The following EML4 variants were observed in gnomAD, a reference collection of about 807,000 sequenced individuals.
The protein encoded by EML4 is EMAP like 4.
In EML4, 72 loss-of-function variants were observed where a neutral mutation model predicts 129.0. The ratio of observed to expected loss-of-function variants is 0.56; its 90% confidence interval spans 0.46 to 0.68. EML4 has a LOEUF of 0.68. Ranked by LOEUF, EML4 falls within the 30% of genes least tolerant of loss-of-function variation. The pLI is 0.00. For synonymous variants in EML4, 532 were observed against 405.0 expected (o/e 1.31, Z -3.77); for missense variants, 1,363 against 1,190.6 (o/e 1.14, Z -2.13).
intron 19 of EML4, among the ~76,000 whole-genome samples, chr2:42,318,257 T>C (rs993313970): frequency 1.3e-5 from 2 of 152,210 alleles, no homozygotes; most frequent in Admixed American, 1.3e-4. Flanking sequence ...TCTTTAACAC[T>C]CTTTACCACA....
chr2:42,236,018 T>C (rs1558527027), intron 1 of EML4, among the ~76,000 whole-genome samples: 2 of 152,216 alleles, frequency 1.3e-5, no homozygotes, highest in Non-Finnish European at 2.9e-5. Context: ...ATACATGTTT[T>C]AATCACGTAG....
chr2:42,305,819 T>TA (rs1246820190), intron 17 of EML4, among the ~76,000 whole-genome samples: 3 of 152,220 alleles, frequency 2.0e-5, no homozygotes, highest in African/African-American at 7.2e-5. Context: ...TTTGTTTCTA[T>TA]ATAAGACTTA....
intron 13 of EML4, among the ~76,000 whole-genome samples, chr2:42,299,953 T>G (rs1475651038): frequency 6.6e-6 from 1 of 152,224 alleles, no homozygotes; most frequent in Non-Finnish European, 1.5e-5. Context: ...CCCAAAGTGC[T>G]GGGATTACAG....
chr2:42,178,409 G>A (rs1017965558), intron 1 of EML4, among the ~76,000 whole-genome samples: 2 of 151,766 alleles, frequency 1.3e-5, no homozygotes, highest in Non-Finnish European at 2.9e-5. Context: ...AAAATTAGCT[G>A]AACGTGGTGG....
At chr2:42,223,348 A>G (rs900163309) in intron 1 of EML4, among the ~76,000 whole-genome samples, 3 of 152,050 alleles carry the variant, frequency 2.0e-5, no homozygotes, top group African/African-American at 7.2e-5. Context: ...CCTAGCCATT[A>G]TTTGCTATCA....
At position 42,170,841 on chromosome 2, in the gene EML4, A is replaced by G. The variant is rs188069605; in HGVS notation, c.25+1205A>G. ...ACTGATCAGTGAGCAGTCTGGCCAT[A>G]GGCCGTACTATATCCAGATAATATC... On this transcript the variant is annotated intron_variant, in intron 1 of 22. Transcript: ENST00000318522. Among the ~76,000 whole-genome samples the G allele has an allele frequency of 2.0e-5, 3 of 152,384 alleles. No homozygotes were observed. In the East Asian group the frequency reaches 5.8e-4, roughly 29 times the overall value.
chr2:42,202,552 A>C (rs1898843), intron 1 of EML4, among the ~76,000 whole-genome samples: 3,779 of 152,306 alleles, frequency 0.025, 532 homozygotes, highest in Admixed American at 0.23. Context: ...CTGAGGAGCA[A>C]GGAAGCCAGT....
At chr2:42,268,326 C>G (rs1666180621) in intron 6 of EML4, among the ~76,000 whole-genome samples, 1 of 152,154 alleles carries the variant, frequency 6.6e-6, no homozygotes, top group South Asian at 2.1e-4. Context: ...CATGGAAATA[C>G]TATACCTTTT....
intron 6 of EML4, 136 bp downstream of exon 6, chr2:42,264,867 A>G: frequency 6.5e-7 from 1 of 1,528,628 alleles, no homozygotes; most frequent in South Asian, 1.2e-5. Flanking sequence ...GTAGTCATTT[A>G]GGAAAAAACC....
At position 42,256,516 on chromosome 2, in the gene EML4, G is replaced by T; in HGVS notation, c.224G>T (p.Arg75Leu). ...SVSSKGQPSPRAVIPMSCITN... is the reference protein window; with the variant it reads ...SVSSKGQPSPLAVIPMSCITN... Reference sequence around the variant, plus strand: ...TTATCTTTAGGCCAACCAAGCCCTCGAGCAGTTATTCCCATGTCCTGTATA... The same window carrying T: ...TTATCTTTAGGCCAACCAAGCCCTCTAGCAGTTATTCCCATGTCCTGTATA... The change falls in exon 3 of 23, where the codon CGA (arginine) becomes CTA (leucine). Residue 75 changes from arginine (R) to leucine (L), a missense_variant. Physicochemically the swap from Arg to Leu is moderately radical, Grantham distance 102 (BLOSUM62 -2). Transcript: ENST00000318522. 6.2e-7 allele frequency: 1 copy of T among 1,600,864 alleles called. No individual in the cohort carries two copies. The highest frequency in any genetic ancestry group is 8.5e-7 in the Non-Finnish European group (1 of 1,172,344).
intron 6 of EML4, among the ~76,000 whole-genome samples, chr2:42,275,663 G>GT (rs749584614): frequency 5.9e-5 from 9 of 152,188 alleles, no homozygotes; most frequent in Non-Finnish European, 1.0e-4. Flanking sequence ...ACATAAGTTA[G>GT]TAAGTGCTAA....
intron 17 of EML4, among the ~76,000 whole-genome samples, chr2:42,314,784 T>G (rs1224017484): frequency 1.3e-5 from 2 of 152,234 alleles, no homozygotes; most frequent in African/African-American, 4.8e-5. Context: ...TAAGTTTGTC[T>G]GTCCATGGTT....
intron 1 of EML4, among the ~76,000 whole-genome samples, chr2:42,197,609 A>G (rs1671972321): frequency 6.6e-6 from 1 of 152,158 alleles, no homozygotes; most frequent in South Asian, 2.1e-4. Context: ...TAAATTGTGA[A>G]TCTGTTCTAC....
rs202185553 is a variant in EML4, at chr2:42,295,416, A to T, written c.1389A>T (p.Ala463=). 1.2e-6 allele frequency: 2 copies of T among 1,614,050 alleles called. No homozygotes were observed. The highest frequency in any genetic ancestry group is 1.7e-5 in the Admixed American group (1 of 60,002). Residue 463 remains alanine (A), a synonymous_variant, in exon 13 of 23, where the codon GCA becomes GCT. Coordinates refer to ENST00000318522, the MANE Select transcript of EML4 (RefSeq NM_019063.5). ...AGCCAAAATTTGTGCAGTGTTTAGCATTCTTGGGGAATGGAGATGTTCTTA... is the reference window on the plus strand; with the variant it reads ...AGCCAAAATTTGTGCAGTGTTTAGCTTTCTTGGGGAATGGAGATGTTCTTA... ...YEKPKFVQCL[A]FLGNGDVLTG... is the part of the protein sequence containing the mutation.
At chr2:42,316,392 C>T (rs1233558302) in intron 18 of EML4, among the ~76,000 whole-genome samples, 1 of 152,156 alleles carries the variant, frequency 6.6e-6, no homozygotes, top group Non-Finnish European at 1.5e-5. Context: ...GCAAGCTTTT[C>T]TTTATTTATA....
chr2:42,258,917 A>G (rs1459104740), intron 3 of EML4, among the ~76,000 whole-genome samples: 1 of 152,234 alleles, frequency 6.6e-6, no homozygotes, highest in Non-Finnish European at 1.5e-5. Context: ...CTTGTTGATT[A>G]TAATCGAATT....
chr2:42,281,042 C>A, intron 7 of EML4, 69 bp downstream of exon 7: 1 of 1,243,802 alleles, frequency 8.0e-7, no homozygotes, highest in Non-Finnish European at 1.1e-6. Flanking sequence ...TTAACGTATT[C>A]TCTGTCAAAA....
chr2:42,299,226 C>G (rs767065792), intron 13 of EML4, among the ~76,000 whole-genome samples: 5 of 152,186 alleles, frequency 3.3e-5, no homozygotes, highest in African/African-American at 4.8e-5. Context: ...GCCATATATA[C>G]CCATCTGTTA....
chr2:42,194,078 C>T (rs185612995), intron 1 of EML4, among the ~76,000 whole-genome samples: 37 of 152,134 alleles, frequency 2.4e-4, no homozygotes, highest in African/African-American at 8.4e-4. Flanking sequence ...CATGTTTGCT[C>T]ATTTTAAATT....
Sources: gnomAD v4.1 joint callset for allele counts (sites outside exome capture counted in the v4.1 genomes callset) on GRCh38, gnomAD v4.1.1 for gene constraint, MANE v1.5 for transcripts, NCBI Gene and HGNC (gene_info 2026-07-23, HGNC 2026-07-21) for gene names.